Variants in OLA1 observed in about 807,000 individuals in gnomAD.
OLA1 encodes the protein Obg like ATPase 1.
Under a neutral mutation model 48.4 loss-of-function variants are expected in OLA1, and 14 were observed. The observed-to-expected ratio is 0.29, with a 90% CI of 0.19 to 0.45. The LOEUF (loss-of-function observed/expected upper bound fraction) is 0.45, where lower values mean the gene tolerates loss of function less well. Ranked by LOEUF, OLA1 falls within the 20% of genes least tolerant of loss-of-function variation. OLA1 has a pLI of 1.00. For synonymous variants in OLA1, 127 were observed against 150.4 expected, an observed-to-expected ratio of 0.84 and a Z score of 1.14; for missense variants, 325 against 467.1, an observed-to-expected ratio of 0.70 and a Z score of 2.80.
intron 4 of OLA1, among the ~76,000 whole-genome samples, chr2:174,154,963 T>C (rs941980350): frequency 2.0e-5 from 3 of 152,174 alleles, no homozygotes; most frequent in Non-Finnish European, 4.4e-5. Flanking sequence ...TATTCTTCCT[T>C]CTTACTTCTG....
intron 4 of OLA1, among the ~76,000 whole-genome samples, chr2:174,176,476 G>T (rs1687421287): frequency 6.6e-6 from 1 of 152,082 alleles, no homozygotes; most frequent in Non-Finnish European, 1.5e-5. Context: ...TAAAATACAT[G>T]TCACAAATAT....
chr2:174,088,259 T>G (rs1402150613), intron 7 of OLA1, among the ~76,000 whole-genome samples: 1 of 152,218 alleles, frequency 6.6e-6, no homozygotes, highest in Non-Finnish European at 1.5e-5. Context: ...TGTTAAACAC[T>G]GATGTCATTT....
chr2:174,235,223 G>T (rs1043717499), intron 2 of OLA1, among the ~76,000 whole-genome samples: 1 of 152,102 alleles, frequency 6.6e-6, no homozygotes, highest in Non-Finnish European at 1.5e-5. Flanking sequence ...AAGGCACACA[G>T]TTACTGCTGA....
intron 8 of OLA1, among the ~76,000 whole-genome samples, chr2:174,081,705 CTATGT>C (rs1333339956): frequency 6.6e-6 from 1 of 151,936 alleles, no homozygotes; most frequent in African/African-American, 2.4e-5. Flanking sequence ...TAACTAATAC[CTATGT>C]TATAATTAAA....
At chr2:174,086,325 T>C (rs1284335333) in intron 7 of OLA1, among the ~76,000 whole-genome samples, 1 of 152,170 alleles carries the variant, frequency 6.6e-6, no homozygotes, top group African/African-American at 2.4e-5. Context: ...GCTCTAGTTA[T>C]CTACAGCCTG....
intron 4 of OLA1, among the ~76,000 whole-genome samples, chr2:174,182,844 T>C (rs1273288760): frequency 6.6e-6 from 1 of 152,208 alleles, no homozygotes; most frequent in African/African-American, 2.4e-5. Flanking sequence ...TTGAGTTGAT[T>C]TGATGGTGAC....
chr2:174,223,293 A>G, intron 3 of OLA1, 133 bp from the exon 4 acceptor site: 1 of 820,574 alleles, frequency 1.2e-6, no homozygotes. Flanking sequence ...TGATAAATGA[A>G]TATCCACCCC....
intron 4 of OLA1, among the ~76,000 whole-genome samples, chr2:174,221,370 T>C (rs1007839440): frequency 2.2e-4 from 34 of 152,284 alleles, no homozygotes; most frequent in African/African-American, 7.9e-4. Context: ...CTTACCATCA[T>C]CCTAAATTGC....
intron 4 of OLA1, among the ~76,000 whole-genome samples, chr2:174,219,783 G>A (rs1334089688): frequency 6.6e-6 from 1 of 152,100 alleles, no homozygotes; most frequent in Non-Finnish European, 1.5e-5. Flanking sequence ...TGCAAAATAA[G>A]CTACTGGAAC....
chr2:174,228,466 A>G (rs1269783712), intron 3 of OLA1, among the ~76,000 whole-genome samples: 1 of 152,188 alleles, frequency 6.6e-6, no homozygotes, highest in Admixed American at 6.5e-5. Context: ...CAAAGTATTT[A>G]CAACTGTTAT....
At chr2:174,166,245 A>T (rs1687162124) in intron 4 of OLA1, among the ~76,000 whole-genome samples, 1 of 152,184 alleles carries the variant, frequency 6.6e-6, no homozygotes, top group Non-Finnish European at 1.5e-5. Context: ...TTCAATTCAC[A>T]TACTAAAAAT....
chr2:174,084,923 G>C (rs1481005274), intron 7 of OLA1, among the ~76,000 whole-genome samples: 13 of 152,142 alleles, frequency 8.5e-5, no homozygotes, highest in Non-Finnish European at 4.4e-5. Flanking sequence ...CAAATTATAT[G>C]GTGGGTGGGA....
At chr2:174,234,887 GGTAGCCCAAGCCTGTAATCCCAGCA>G (rs1688809794) in intron 2 of OLA1, among the ~76,000 whole-genome samples, 1 of 152,176 alleles carries the variant, frequency 6.6e-6, no homozygotes, top group South Asian at 2.1e-4. Context: ...GGCGGGGCAT[GGTAGCCCAAGCCTGTAATCCCAGCA>G]TTTTGGAAGG....
chr2:174,144,017 C>T (rs1686522070), intron 4 of OLA1, among the ~76,000 whole-genome samples: 1 of 152,070 alleles, frequency 6.6e-6, no homozygotes, highest in African/African-American at 2.4e-5. Context: ...GGTAGGAGGA[C>T]TGCTTCAGGT....
chr2:174,076,268 C>T (rs1366900201), intron 10 of OLA1, among the ~76,000 whole-genome samples: 1 of 152,090 alleles, frequency 6.6e-6, no homozygotes, highest in East Asian at 1.9e-4. Context: ...GCAGCAGTTC[C>T]AGAAAACCAG....
chr2:174,101,885 C>T (rs1685404876), intron 7 of OLA1, among the ~76,000 whole-genome samples: 1 of 152,072 alleles, frequency 6.6e-6, no homozygotes, highest in Non-Finnish European at 1.5e-5. Context: ...ATTTGAAGAG[C>T]CCAAGCCTAA....
At chr2:174,192,021 TC>T (rs1197136462) in intron 4 of OLA1, among the ~76,000 whole-genome samples, 2 of 152,214 alleles carry the variant, frequency 1.3e-5, no homozygotes, top group Non-Finnish European at 2.9e-5. Flanking sequence ...CTAGCAATTT[TC>T]TACTTACTCC....
chr2:174,187,402 A>G (rs1022262627), intron 4 of OLA1, among the ~76,000 whole-genome samples: 1 of 152,224 alleles, frequency 6.6e-6, no homozygotes. Flanking sequence ...CAGCAGGCAC[A>G]TTTGCTGTGA....
chr2:174,130,091 G>A (rs942197896), intron 5 of OLA1, among the ~76,000 whole-genome samples: 3 of 151,852 alleles, frequency 2.0e-5, no homozygotes, highest in Non-Finnish European at 2.9e-5. Flanking sequence ...TTAAACACCC[G>A]AAATTGAAGA....
Sources: gnomAD v4.1 joint callset for allele counts (sites outside exome capture counted in the v4.1 genomes callset) on GRCh38, gnomAD v4.1.1 for gene constraint, MANE v1.5 for transcripts, NCBI Gene and HGNC (gene_info 2026-07-23, HGNC 2026-07-21) for gene names.